The following PALLD variants were observed in gnomAD, a reference collection of about 807,000 sequenced individuals.
PALLD encodes the protein palladin.
In PALLD, 61 loss-of-function variants were observed where a neutral mutation model predicts 123.5. The ratio of observed to expected loss-of-function variants is 0.49; its 90% CI spans 0.40 to 0.61. The LOEUF is 0.61. Ranked by LOEUF, PALLD falls within the 20% of genes least tolerant of loss-of-function variation. The probability of loss-of-function intolerance (pLI) is 0.00; values close to 1 mark genes in which losing one functional copy is unlikely to be tolerated. For synonymous variants in PALLD, 465 were observed against 496.4 expected, an observed-to-expected ratio of 0.94 and a Z score of 0.84; for missense variants, 1,273 against 1,377.0, an observed-to-expected ratio of 0.92 and a Z score of 1.20.
intron 2 of PALLD, among the ~76,000 whole-genome samples, chr4:168,620,208 G>C (rs1226994211): frequency 6.6e-6 from 1 of 152,236 alleles, no homozygotes; most frequent in Non-Finnish European, 1.5e-5. Context: ...TGTAATCCCA[G>C]CACTTTGGGA....
At chr4:168,822,559 GTCCAACT>G (rs1008086186) in intron 10 of PALLD, among the ~76,000 whole-genome samples, 121 of 152,320 alleles carry the variant, frequency 7.9e-4, no homozygotes, top group African/African-American at 2.7e-3. Flanking sequence ...CAGACACGGA[GTCCAACT>G]TCCAAGTGCT....
At chr4:168,909,620 T>G (rs1338772114) in intron 15 of PALLD, among the ~76,000 whole-genome samples, 1 of 152,188 alleles carries the variant, frequency 6.6e-6, no homozygotes, top group Non-Finnish European at 1.5e-5. Flanking sequence ...CCTTCCATTA[T>G]TCTTATGTTC....
At chr4:168,771,222 T>TAG (rs1734393880) in intron 10 of PALLD, among the ~76,000 whole-genome samples, 1 of 152,168 alleles carries the variant, frequency 6.6e-6, no homozygotes, top group Admixed American at 6.5e-5. Flanking sequence ...TATGAATCCT[T>TAG]AGATTTAAGT....
chr4:168,771,209 T>G (rs1734391613), intron 10 of PALLD, among the ~76,000 whole-genome samples: 1 of 152,204 alleles, frequency 6.6e-6, no homozygotes, highest in Non-Finnish European at 1.5e-5. Context: ...TGGCATGAAT[T>G]TGTATGAATC....
chr4:168,683,866 A>G (rs1195266167), intron 5 of PALLD, among the ~76,000 whole-genome samples: 1 of 152,030 alleles, frequency 6.6e-6, no homozygotes, highest in East Asian at 1.9e-4. Flanking sequence ...TTGAATGCTC[A>G]GGGGTGTTTC....
At chr4:168,804,774 C>T (rs1174457277) in intron 10 of PALLD, among the ~76,000 whole-genome samples, 1 of 152,166 alleles carries the variant, frequency 6.6e-6, no homozygotes, top group African/African-American at 2.4e-5. Flanking sequence ...GTTCTTTTCA[C>T]CACAAGAGTT....
chr4:168,568,470 G>T (rs1360313525), intron 2 of PALLD, among the ~76,000 whole-genome samples: 1 of 152,012 alleles, frequency 6.6e-6, no homozygotes, highest in Non-Finnish European at 1.5e-5. Context: ...TGCATATGGT[G>T]AGTATAAATT....
chr4:168,561,159 G>A (rs1767821497), intron 2 of PALLD, among the ~76,000 whole-genome samples: 1 of 152,078 alleles, frequency 6.6e-6, no homozygotes, highest in Non-Finnish European at 1.5e-5. Flanking sequence ...GGATAAGTCA[G>A]TGAAGCCCAA....
intron 2 of PALLD, among the ~76,000 whole-genome samples, chr4:168,533,995 A>G (rs1397207241): frequency 6.6e-6 from 1 of 152,216 alleles, no homozygotes; most frequent in Non-Finnish European, 1.5e-5. Flanking sequence ...AGAATGGCCA[A>G]ATAATCTTGT....
At chr4:168,505,188 T>C (rs951930535) in intron 1 of PALLD, among the ~76,000 whole-genome samples, 2 of 152,232 alleles carry the variant, frequency 1.3e-5, no homozygotes, top group African/African-American at 2.4e-5. Context: ...CGGCAATAAC[T>C]GGCTTGCAAA....
At position 168,752,532 on chromosome 4, in the gene PALLD, C is replaced by T. The variant is rs116425462; in HGVS notation, c.1964+40609C>T. 3.0e-3 allele frequency among the ~76,000 whole-genome samples: 449 copies of T among 152,194 alleles called. 2 individuals carry two copies. The highest frequency in any genetic ancestry group is 8.5e-3 in the African/African-American group (352 of 41,526). ...TGGCCAAGGTGTTTATGCAGGAGTG[C>T]GGGTACTAAGATGATTCTAGATTTG... On this transcript the variant is annotated intron_variant, in intron 10 of 21. Transcript: ENST00000505667.
chr4:168,749,264 G>A (rs144376060), intron 10 of PALLD, among the ~76,000 whole-genome samples: 3 of 152,242 alleles, frequency 2.0e-5, no homozygotes, highest in Non-Finnish European at 4.4e-5. Flanking sequence ...TGCCATGCCT[G>A]TACATCCTGC....
chr4:168,821,940 G>T (rs1369237995), intron 10 of PALLD, among the ~76,000 whole-genome samples: 2 of 147,212 alleles, frequency 1.4e-5, no homozygotes, highest in Non-Finnish European at 3.0e-5. Context: ...ATAGACTGTT[G>T]TTGAAGCCCA....
At chr4:168,896,134 C>T (rs755629008) in intron 12 of PALLD, among the ~76,000 whole-genome samples, 5 of 150,242 alleles carry the variant, frequency 3.3e-5, no homozygotes, top group South Asian at 2.1e-4. Flanking sequence ...CGCTTGAACC[C>T]AGGAGACAGA....
At chr4:168,918,313 A>C (rs1432820430) in intron 17 of PALLD, among the ~76,000 whole-genome samples, 2 of 141,288 alleles carry the variant, frequency 1.4e-5, no homozygotes, top group Non-Finnish European at 3.1e-5. Context: ...TGAATGAATA[A>C]AGAAAATATG....
chr4:168,534,248 G>A (rs1260092080), intron 2 of PALLD, among the ~76,000 whole-genome samples: 4 of 152,198 alleles, frequency 2.6e-5, no homozygotes, highest in Non-Finnish European at 4.4e-5. Context: ...GCTGAAGTCA[G>A]GACACAGAGG....
At chr4:168,600,688 A>T (rs1360442982) in intron 2 of PALLD, among the ~76,000 whole-genome samples, 1 of 152,192 alleles carries the variant, frequency 6.6e-6, no homozygotes, top group African/African-American at 2.4e-5. Flanking sequence ...TTGAGTAATC[A>T]GAACCATTTT....
chr4:168,524,502 G>A (rs565432016), intron 2 of PALLD, among the ~76,000 whole-genome samples: 1 of 152,042 alleles, frequency 6.6e-6, no homozygotes, highest in Non-Finnish European at 1.5e-5. Flanking sequence ...GTATATATGG[G>A]GCACATGAGA....
chr4:168,509,056 C>T (rs1343017270), intron 1 of PALLD, among the ~76,000 whole-genome samples: 3 of 152,112 alleles, frequency 2.0e-5, no homozygotes, highest in Non-Finnish European at 4.4e-5. Flanking sequence ...CTCTGGTGGA[C>T]GTTCCAGGGT....
Sources: gnomAD v4.1 joint callset for allele counts (sites outside exome capture counted in the v4.1 genomes callset) on GRCh38, gnomAD v4.1.1 for gene constraint, MANE v1.5 for transcripts, NCBI Gene and HGNC (gene_info 2026-07-23, HGNC 2026-07-21) for gene names.